The following HECW2 variants were observed in gnomAD, a reference collection of about 807,000 sequenced individuals.
HECW2 encodes HECT, C2 and WW domain containing E3 ubiquitin protein ligase 2.
HECW2 carries 61 observed loss-of-function variants against 175.2 expected under a neutral mutation model. That is an observed-to-expected ratio of 0.35 (90% CI 0.28 to 0.43). HECW2 has a LOEUF of 0.43. HECW2 is among the 20% of genes least tolerant of loss of function. The pLI is 1.00. For missense variants in HECW2, 1,524 were observed against 2,000.5 expected (o/e 0.76, Z 4.54); for synonymous variants, 671 against 731.0 (o/e 0.92, Z 1.32).
At chr2:196,355,093 T>C (rs566745851) in intron 2 of HECW2, among the ~76,000 whole-genome samples, 2 of 152,362 alleles carry the variant, frequency 1.3e-5, no homozygotes, top group East Asian at 1.9e-4. Context: ...TTATAATTTA[T>C]GGTGGATATT....
At chr2:196,211,660 T>C (rs748806865) in intron 28 of HECW2, among the ~76,000 whole-genome samples, 4 of 152,178 alleles carry the variant, frequency 2.6e-5, no homozygotes, top group Non-Finnish European at 5.9e-5. Flanking sequence ...GAGAAAAGAA[T>C]GAGACTCACA....
chr2:196,218,525 C>T (rs1687555114), intron 26 of HECW2, among the ~76,000 whole-genome samples: 1 of 152,084 alleles, frequency 6.6e-6, no homozygotes, highest in African/African-American at 2.4e-5. Flanking sequence ...CTATTAGAAT[C>T]TCCTGGGTCC....
chr2:196,541,185 G>C (rs1236731213), intron 1 of HECW2, among the ~76,000 whole-genome samples: 1 of 152,042 alleles, frequency 6.6e-6, no homozygotes, highest in Non-Finnish European at 1.5e-5. Context: ...TATCAGCTGG[G>C]TTGGCTGCCC....
intron 1 of HECW2, among the ~76,000 whole-genome samples, chr2:196,490,666 C>T (rs912084371): frequency 3.9e-5 from 6 of 152,098 alleles, no homozygotes; most frequent in African/African-American, 1.4e-4. Flanking sequence ...AAGTTCACAG[C>T]AGCATTATTT....
At chr2:196,344,919 C>T (rs899968106) in intron 2 of HECW2, among the ~76,000 whole-genome samples, 1 of 152,104 alleles carries the variant, frequency 6.6e-6, no homozygotes, top group African/African-American at 2.4e-5. Context: ...ATGAAAGAAA[C>T]AGAAAATGGG....
At chr2:196,552,457 C>A (rs1243545027) in intron 1 of HECW2, among the ~76,000 whole-genome samples, 1 of 152,228 alleles carries the variant, frequency 6.6e-6, no homozygotes, top group East Asian at 1.9e-4. Flanking sequence ...GTCTCACTCA[C>A]AGAAGATGAC....
chr2:196,282,867 C>T (rs2106000098), intron 14 of HECW2, among the ~76,000 whole-genome samples: 1 of 152,200 alleles, frequency 6.6e-6, no homozygotes, highest in South Asian at 2.1e-4. Context: ...TTTAGGTTAA[C>T]TTTGGAATGT....
chr2:196,487,891 T>C (rs1347215539), intron 1 of HECW2, among the ~76,000 whole-genome samples: 2 of 152,242 alleles, frequency 1.3e-5, no homozygotes, highest in African/African-American at 4.8e-5. Context: ...CAGGAGTCCT[T>C]AGGTCTTTCA....
At chr2:196,484,998 C>A (rs570495288) in intron 1 of HECW2, among the ~76,000 whole-genome samples, 1 of 152,080 alleles carries the variant, frequency 6.6e-6, no homozygotes, top group South Asian at 2.1e-4. Context: ...TGAATCAACC[C>A]AGTATGGTTG....
chr2:196,405,371 T>G (rs989576080), intron 2 of HECW2, among the ~76,000 whole-genome samples: 7 of 152,144 alleles, frequency 4.6e-5, no homozygotes, highest in African/African-American at 7.2e-5. Context: ...TCTACATACG[T>G]GTTTCCTCAC....
At position 196,307,163 on chromosome 2, in the gene HECW2, C is replaced by G. The variant is rs753992591; in HGVS notation, c.2656G>C (p.Gly886Arg). The G allele has an allele frequency of 1.9e-6, 3 of 1,613,900 alleles. No individual in the cohort carries two copies. Among genetic ancestry groups the G allele is most frequent in the Non-Finnish European group, 1.7e-6 (2 of 1,179,768 alleles). ...EENTNAIDGA[G>R]EEADFHQASA... Reference sequence around the variant, plus strand: ...GCTTGGTGAAAGTCAGCTTCCTCCCCTGCCCCATCAATAGCATTGGTATTT... The same window carrying G: ...GCTTGGTGAAAGTCAGCTTCCTCCCGTGCCCCATCAATAGCATTGGTATTT... The change falls in exon 12 of 29, where the codon GGG (glycine) becomes CGG (arginine). Residue 886 changes from glycine to arginine, a missense_variant. Gly to Arg is a moderately radical substitution (Grantham distance 125, BLOSUM62 -2). Around this residue, in one of 11 missense-constraint regions of HECW2, gnomAD observed 105 missense variants for 98.1 expected, o/e 1.07. Transcript: ENST00000644978.
At chr2:196,267,935 T>C (rs757621670) in intron 17 of HECW2, among the ~76,000 whole-genome samples, 3 of 152,214 alleles carry the variant, frequency 2.0e-5, no homozygotes, top group Non-Finnish European at 4.4e-5. Context: ...CTGGGAGTCC[T>C]TGCTCCAGGT....
chr2:196,395,966 C>T (rs539971810), intron 2 of HECW2, among the ~76,000 whole-genome samples: 10 of 152,134 alleles, frequency 6.6e-5, no homozygotes, highest in African/African-American at 1.9e-4. Flanking sequence ...AGCCAAAAGG[C>T]GGAAGCAAAC....
chr2:196,244,413 T>C (rs746013080), intron 19 of HECW2, among the ~76,000 whole-genome samples: 2 of 152,222 alleles, frequency 1.3e-5, no homozygotes, highest in Non-Finnish European at 2.9e-5. Context: ...AAATTCCAGA[T>C]TTTTCTCTTG....
At chr2:196,436,097 A>T (rs1306492330) in intron 1 of HECW2, among the ~76,000 whole-genome samples, 1 of 152,176 alleles carries the variant, frequency 6.6e-6, no homozygotes, top group Non-Finnish European at 1.5e-5. Flanking sequence ...TAACACTGAC[A>T]AGAGCCATTC....
At chr2:196,220,280 G>T (rs917226867) in intron 25 of HECW2, 127 bp from the exon 26 acceptor site, 1 of 651,726 alleles carries the variant, frequency 1.5e-6, no homozygotes, top group South Asian at 1.8e-5. Context: ...GTTGGCACTT[G>T]AAAACCTGTA....
intron 15 of HECW2, among the ~76,000 whole-genome samples, chr2:196,275,279 T>G (rs1421327601): frequency 2.0e-5 from 3 of 152,208 alleles, no homozygotes; most frequent in African/African-American, 7.2e-5. Context: ...CAGTTTATAT[T>G]ATTTGTCAAT....
At chr2:196,379,249 A>G (rs1694134805) in intron 2 of HECW2, among the ~76,000 whole-genome samples, 1 of 152,154 alleles carries the variant, frequency 6.6e-6, no homozygotes. Flanking sequence ...GGCAAAACTA[A>G]CCTACAATCA....
chr2:196,456,247 C>G (rs1341897565), intron 1 of HECW2, among the ~76,000 whole-genome samples: 1 of 152,020 alleles, frequency 6.6e-6, no homozygotes. Flanking sequence ...ATTTCCCAAG[C>G]CTTAACAAAA....
Sources: allele counts gnomAD v4.1 joint callset (sites outside exome capture counted in the v4.1 genomes callset), GRCh38; gene constraint gnomAD v4.1.1; regional missense constraint gnomAD v4.1.1; transcripts MANE v1.5; gene names NCBI Gene and HGNC (gene_info 2026-07-23, HGNC 2026-07-21).